Variants in SPMIP7 observed in about 807,000 individuals in gnomAD.
SPMIP7 encodes the protein sperm microtubule inner protein 7.
the SPMIP7 span, among the ~76,000 whole-genome samples, chr7:50,143,056 G>A: frequency 6.6e-6 from 1 of 151,932 alleles, no homozygotes; most frequent in East Asian, 1.9e-4. Flanking sequence ...TTCTTGAAGA[G>A]AAATGGCTTT....
the SPMIP7 span, among the ~76,000 whole-genome samples, chr7:50,131,438 T>C: frequency 6.6e-6 from 1 of 152,294 alleles, no homozygotes; most frequent in African/African-American, 2.4e-5. Context: ...GTGTGAAATA[T>C]GGATTTGAAG....
chr7:50,159,046 C>T, the SPMIP7 span: 1 of 1,551,716 alleles, frequency 6.4e-7, no homozygotes, highest in Non-Finnish European at 8.7e-7. Flanking sequence ...CCTGCCCCAG[C>T]GTCTTCCAGA....
chr7:50,128,722 A>G, the SPMIP7 span, among the ~76,000 whole-genome samples: 1 of 152,050 alleles, frequency 6.6e-6, no homozygotes, highest in African/African-American at 2.4e-5. Context: ...TGAAAAGTCC[A>G]GTATTTGTCT....
the SPMIP7 span, among the ~76,000 whole-genome samples, chr7:50,138,344 A>G: frequency 1.3e-5 from 2 of 152,250 alleles, no homozygotes; most frequent in Admixed American, 1.3e-4. Context: ...AATAGGAAAT[A>G]TAAAAGTGAA....
At chr7:50,150,902 T>C in the SPMIP7 span, among the ~76,000 whole-genome samples, 1 of 152,228 alleles carries the variant, frequency 6.6e-6, no homozygotes, top group Non-Finnish European at 1.5e-5. Flanking sequence ...ATTCAAATTC[T>C]AAACAGACTG....
the SPMIP7 span, among the ~76,000 whole-genome samples, chr7:50,117,838 C>G: frequency 6.6e-6 from 1 of 152,178 alleles, no homozygotes; most frequent in Non-Finnish European, 1.5e-5. Flanking sequence ...CAGATAGTTA[C>G]ATGCTTTTGG....
the SPMIP7 span, among the ~76,000 whole-genome samples, chr7:50,157,749 C>A: frequency 6.6e-6 from 1 of 152,134 alleles, no homozygotes; most frequent in Admixed American, 6.5e-5. Context: ...TTATTTCAGG[C>A]CACGGGCTTG....
chr7:50,121,130 C>A, the SPMIP7 span, among the ~76,000 whole-genome samples: 2 of 152,138 alleles, frequency 1.3e-5, no homozygotes, highest in Non-Finnish European at 2.9e-5. Context: ...AAAGCATAAT[C>A]ATCCAACTAA....
At chr7:50,135,969 A>C in the SPMIP7 span, 1 of 642,646 alleles carries the variant, frequency 1.6e-6, no homozygotes, top group Non-Finnish European at 2.8e-6. Flanking sequence ...CAAAGCTTGG[A>C]GAGTGCGTTT....
At chr7:50,118,598 T>C in the SPMIP7 span, among the ~76,000 whole-genome samples, 1 of 152,160 alleles carries the variant, frequency 6.6e-6, no homozygotes, top group Admixed American at 6.5e-5. Context: ...AAAAAGTATT[T>C]CCTTTATGGA....
chr7:50,109,141 T>C, the SPMIP7 span, among the ~76,000 whole-genome samples: 1 of 152,322 alleles, frequency 6.6e-6, no homozygotes, highest in Admixed American at 6.5e-5. Context: ...ATTTATGATA[T>C]ATAAAATGTT....
the SPMIP7 span, among the ~76,000 whole-genome samples, chr7:50,139,661 C>T: frequency 3.1e-3 from 476 of 152,294 alleles, 1 homozygote; most frequent in Non-Finnish European, 4.7e-3. Flanking sequence ...TCTCAGAATT[C>T]TTCAGCATAC....
At chr7:50,111,311 G>A in the SPMIP7 span, among the ~76,000 whole-genome samples, 1 of 151,964 alleles carries the variant, frequency 6.6e-6, no homozygotes, top group African/African-American at 2.4e-5. Flanking sequence ...CTTCTGCAGT[G>A]AAATGCAGGT....
chr7:50,119,788 A>G, the SPMIP7 span, among the ~76,000 whole-genome samples: 1 of 152,244 alleles, frequency 6.6e-6, no homozygotes, highest in Non-Finnish European at 1.5e-5. Flanking sequence ...TGAATACTCA[A>G]GATTTGGGGA....
the SPMIP7 span, among the ~76,000 whole-genome samples, chr7:50,102,402 C>T: frequency 3.3e-5 from 5 of 152,212 alleles, no homozygotes; most frequent in East Asian, 1.9e-4. Context: ...AACTTCCAAG[C>T]GCATTCAGAT....
chr7:50,102,430 T>C, the SPMIP7 span, among the ~76,000 whole-genome samples: 14 of 152,308 alleles, frequency 9.2e-5, no homozygotes, highest in African/African-American at 3.4e-4. Context: ...GAATCCAGTT[T>C]CTTCCATCTA....
At chr7:50,137,643 C>G in the SPMIP7 span, among the ~76,000 whole-genome samples, 1 of 151,988 alleles carries the variant, frequency 6.6e-6, no homozygotes, top group Non-Finnish European at 1.5e-5. Context: ...AGTGCTTGGG[C>G]TCCCATTACT....
chr7:50,157,657 C>T, the SPMIP7 span, among the ~76,000 whole-genome samples: 1 of 152,118 alleles, frequency 6.6e-6, no homozygotes, highest in Admixed American at 6.5e-5. Context: ...TTTTTAATTT[C>T]CCATACCAGC....
At chr7:50,137,090 C>T in the SPMIP7 span, among the ~76,000 whole-genome samples, 1 of 151,876 alleles carries the variant, frequency 6.6e-6, no homozygotes, top group Non-Finnish European at 1.5e-5. Flanking sequence ...TATTGTTAAC[C>T]TATATATGGA....
Sources: allele counts gnomAD v4.1 joint callset (sites outside exome capture counted in the v4.1 genomes callset), GRCh38; gene constraint gnomAD v4.1.1; transcripts MANE v1.5; gene names NCBI Gene and HGNC (gene_info 2026-07-23, HGNC 2026-07-21).